The following GAB2 variants were observed in gnomAD, a reference collection of about 807,000 sequenced individuals.
GAB2 encodes the protein GRB2-associated-binding protein 2.
GAB2 carries 26 observed loss-of-function variants against 65.5 expected under a neutral mutation model. That is an observed-to-expected ratio of 0.40 (90% CI 0.29 to 0.55). The LOEUF (loss-of-function observed/expected upper bound fraction) is 0.55. GAB2 is among the 20% of genes least tolerant of loss of function. The pLI is 0.53. For synonymous variants in GAB2, 321 were observed against 329.6 expected, an observed-to-expected ratio of 0.97 and a Z score of 0.28; for missense variants, 884 against 875.8, an observed-to-expected ratio of 1.01 and a Z score of -0.12.
At chr11:78,311,438 A>C (rs997115846) in intron 1 of GAB2, among the ~76,000 whole-genome samples, 5 of 152,072 alleles carry the variant, frequency 3.3e-5, no homozygotes, top group Non-Finnish European at 7.4e-5. Flanking sequence ...TATATATATA[A>C]ACTTTCCTAT....
intron 1 of GAB2, among the ~76,000 whole-genome samples, chr11:78,376,750 G>A (rs1206073954): frequency 1.3e-5 from 2 of 152,140 alleles, no homozygotes; most frequent in Admixed American, 1.3e-4. Context: ...TGTGACTAGG[G>A]AAGTGTCTTA....
chr11:78,343,539 T>C (rs565563178), intron 1 of GAB2, among the ~76,000 whole-genome samples: 5 of 152,170 alleles, frequency 3.3e-5, no homozygotes, highest in Admixed American at 2.0e-4. Flanking sequence ...TATTGGTAAA[T>C]GTACATTATT....
intron 1 of GAB2, among the ~76,000 whole-genome samples, chr11:78,363,746 C>A (rs1032091810): frequency 1.3e-5 from 2 of 151,918 alleles, no homozygotes; most frequent in Admixed American, 1.3e-4. Context: ...TACTATGACC[C>A]TGCTAATTTT....
chr11:78,341,941 C>T (rs1856103879), intron 1 of GAB2: 1 of 952,306 alleles, frequency 1.1e-6, no homozygotes, highest in East Asian at 1.2e-4. Context: ...AGAATCTCCA[C>T]CAGCCTGTGT....
intron 1 of GAB2, among the ~76,000 whole-genome samples, chr11:78,373,521 A>AG (rs938399908): frequency 3.3e-5 from 5 of 152,266 alleles, no homozygotes; most frequent in African/African-American, 1.2e-4. Context: ...TACAGGCGTG[A>AG]GCCACCACGC....
rs142668230 is a variant in GAB2, at chr11:78,250,691, G to A, written c.377-291C>T. Among the ~76,000 whole-genome samples, 324 of 152,250 alleles carry A rather than the reference G, an allele frequency of 2.1e-3. 1 individual carries two copies. Among genetic ancestry groups the A allele is most frequent in the African/African-American group, 7.2e-3 (298 of 41,548 alleles). On this transcript the variant is annotated intron_variant, in intron 2 of 9. Coordinates refer to ENST00000361507, the MANE Select transcript of GAB2 (RefSeq NM_080491.3). ...GTACGGCTACCTGTGGTCTAGGAGT[G>A]TGACCCTGACCCTCAGGCAAGGTCT... is the stretch of plus-strand genomic sequence containing the variant.
intron 1 of GAB2, among the ~76,000 whole-genome samples, chr11:78,396,343 G>T (rs1456316202): frequency 6.6e-6 from 1 of 152,188 alleles, no homozygotes; most frequent in African/African-American, 2.4e-5. Flanking sequence ...TTGTTAACGT[G>T]AATTATATGG....
intron 1 of GAB2, among the ~76,000 whole-genome samples, chr11:78,321,410 C>T (rs889127379): frequency 2.6e-5 from 4 of 152,248 alleles, no homozygotes; most frequent in Non-Finnish European, 2.9e-5. Context: ...TACTTTTTGG[C>T]TGAATTACCT....
At position 78,386,297 on chromosome 11, in the gene GAB2, A is replaced by G. The variant is rs186459600; in HGVS notation, c.75+31349T>C. Reference sequence around the variant, plus strand: ...TCTTTCCTGAGTACCCACTACCACAATGTCTTCTGTCAAGGAATTACAAGT... The same window carrying G: ...TCTTTCCTGAGTACCCACTACCACAGTGTCTTCTGTCAAGGAATTACAAGT... On this transcript the variant is annotated intron_variant, in intron 1 of 9. Coordinates refer to ENST00000361507, the MANE Select transcript of GAB2 (RefSeq NM_080491.3). 1.9e-4 allele frequency among the ~76,000 whole-genome samples: 29 copies of G among 152,268 alleles called. No individual in the cohort carries two copies. In the South Asian group the frequency reaches 5.0e-3, roughly 26 times the overall value.
At chr11:78,260,364 GCA>G (rs1389110457) in intron 2 of GAB2, among the ~76,000 whole-genome samples, 1 of 152,218 alleles carries the variant, frequency 6.6e-6, no homozygotes, top group Non-Finnish European at 1.5e-5. Flanking sequence ...TAGTGACACA[GCA>G]CAGTTCCTGG....
intron 1 of GAB2, among the ~76,000 whole-genome samples, chr11:78,297,690 T>C (rs565992984): frequency 6.6e-6 from 1 of 152,238 alleles, no homozygotes; most frequent in South Asian, 2.1e-4. Flanking sequence ...CAGGGGTAGA[T>C]TGAAGTTTAG....
At chr11:78,220,523 A>G in intron 8 of GAB2, 79 bp from the exon 9 acceptor site, 1 of 1,268,436 alleles carries the variant, frequency 7.9e-7, no homozygotes, top group East Asian at 2.4e-5. Flanking sequence ...CTCTGGGAGT[A>G]AGAACACTGT....
rs778490272 is a variant in GAB2, at chr11:78,226,521, G to T, written c.1151C>A (p.Ala384Asp). 5.6e-6 allele frequency: 9 copies of T among 1,608,250 alleles called. No homozygotes were observed. The highest frequency in any genetic ancestry group is 7.6e-6 in the Non-Finnish European group (9 of 1,177,352). The change falls in exon 4 of 10, where the codon GCC becomes GAC. Residue 384 changes from alanine to aspartate, a missense_variant. Ala to Asp is a moderately radical substitution (Grantham distance 126). Coordinates refer to ENST00000361507, the MANE Select transcript of GAB2 (RefSeq NM_080491.3). ...GAGGGTGTTGCGTCTGGGGATGGTGGCAGCGACAGATCTGCTATTTTCACT... is the reference window on the plus strand; with the variant it reads ...GAGGGTGTTGCGTCTGGGGATGGTGTCAGCGACAGATCTGCTATTTTCACT... The part of the protein sequence containing the change: ...PISENSRSVA[A>D]TIPRRNTLPA...
chr11:78,260,132 A>C (rs1207311750), intron 2 of GAB2, among the ~76,000 whole-genome samples: 1 of 152,222 alleles, frequency 6.6e-6, no homozygotes, highest in East Asian at 1.9e-4. Context: ...AGGAAGAAAA[A>C]AGAAAAGACA....
chr11:78,253,149 T>G (rs1393273694), intron 2 of GAB2, among the ~76,000 whole-genome samples: 1 of 151,830 alleles, frequency 6.6e-6, no homozygotes, highest in Non-Finnish European at 1.5e-5. Context: ...TAGCTGCAAC[T>G]ACAGGTGTAT....
chr11:78,366,312 G>T (rs1856496246), intron 1 of GAB2, among the ~76,000 whole-genome samples: 1 of 152,114 alleles, frequency 6.6e-6, no homozygotes, highest in South Asian at 2.1e-4. Flanking sequence ...GGGCACAGTG[G>T]CTCACGCCTG....
At chr11:78,274,345 G>A (rs534751022) in intron 2 of GAB2, among the ~76,000 whole-genome samples, 1 of 152,160 alleles carries the variant, frequency 6.6e-6, no homozygotes, top group South Asian at 2.1e-4. Context: ...GCTTGAAAGA[G>A]GCTCCACATA....
At chr11:78,292,268 C>A (rs761792141) in intron 1 of GAB2, among the ~76,000 whole-genome samples, 1 of 152,122 alleles carries the variant, frequency 6.6e-6, no homozygotes, top group Admixed American at 6.5e-5. Context: ...TAAAAGGACA[C>A]GCCTATTCCA....
chr11:78,229,013 A>G (rs1465795171), intron 3 of GAB2, among the ~76,000 whole-genome samples: 1 of 152,164 alleles, frequency 6.6e-6, no homozygotes, highest in Non-Finnish European at 1.5e-5. Flanking sequence ...AGGGATACAG[A>G]GATGCCACCT....
Sources: allele counts gnomAD v4.1 joint callset (sites outside exome capture counted in the v4.1 genomes callset), GRCh38; gene constraint gnomAD v4.1.1; transcripts MANE v1.5; gene names NCBI Gene and HGNC (gene_info 2026-07-23, HGNC 2026-07-21).